Variants in N4BP2 observed in about 807,000 individuals in gnomAD.
N4BP2 encodes NEDD4 binding protein 2.
A neutral mutation model predicts 152.8 loss-of-function variants in N4BP2; 91 were observed. The observed-to-expected ratio is 0.60, with a 90% CI of 0.50 to 0.71. N4BP2 has a LOEUF of 0.71. N4BP2 is among the 30% of genes least tolerant of loss of function. N4BP2 has a pLI of 0.00. For missense variants in N4BP2, 1,923 were observed against 2,059.1 expected (o/e 0.93, Z 1.28); for synonymous variants, 646 against 705.3 (o/e 0.92, Z 1.33).
intron 13 of N4BP2, among the ~76,000 whole-genome samples, chr4:40,133,013 C>G (rs1447565414): frequency 6.6e-6 from 1 of 151,894 alleles, no homozygotes; most frequent in East Asian, 1.9e-4. Flanking sequence ...AACTGGCAGC[C>G]CGCCATTTTT....
chr4:40,094,038 C>A (rs1714882443), intron 2 of N4BP2, among the ~76,000 whole-genome samples: 1 of 152,178 alleles, frequency 6.6e-6, no homozygotes, highest in Admixed American at 6.5e-5. Flanking sequence ...AGCCACCACA[C>A]CTGGCCTACA....
In N4BP2 at chr4:40,144,772, G is replaced by C. The variant is rs746243449; in HGVS notation, c.5115G>C (p.Leu1705Phe). The stretch of plus-strand genomic sequence containing the variant: ...ATGTGGATGAAGCTCTAGAACATTT[G>C]ATGAGAGTTTTAGAGAAGAAGACTG... ...GLHVDEALEH[L>F]MRVLEKKTEE... The change falls in exon 16 of 18, where the codon TTG (leucine) becomes TTC (phenylalanine). Residue 1705 changes from leucine (L) to phenylalanine (F), a missense_variant. Coordinates refer to ENST00000261435, the MANE Select transcript of N4BP2 (RefSeq NM_018177.6). The C allele has an allele frequency of 3.1e-6, 5 of 1,612,344 alleles. No homozygotes were observed. The South Asian group carries it at 5.5e-5, about 18-fold the overall frequency.
rs1715790649 is a variant in N4BP2 at position 40,102,634 on chromosome 4, T to C, written c.789T>C (p.Asn263=). Residue 263 remains asparagine, a synonymous_variant, in exon 4 of 18, where the codon AAT becomes AAC. Coordinates refer to ENST00000261435, the MANE Select transcript of N4BP2 (RefSeq NM_018177.6). The stretch of plus-strand genomic sequence containing the variant: ...CCATCGCAGGTTGTAGCAGTCTCAA[T>C]CAAAAACAGAAAGAACTTTTAGAAT... ...SDSIAGCSSL[N]QKQKELLESE... 2.5e-6 allele frequency: 4 copies of C among 1,614,086 alleles called. No individual in the cohort carries two copies. The highest frequency in any genetic ancestry group is 3.4e-6 in the Non-Finnish European group (4 of 1,180,056).
intron 14 of N4BP2, among the ~76,000 whole-genome samples, chr4:40,141,894 C>G (rs561468563): frequency 6.6e-6 from 1 of 152,160 alleles, no homozygotes; most frequent in South Asian, 2.1e-4. Context: ...GAGACCAGCC[C>G]GGCCAACACA....
intron 2 of N4BP2, among the ~76,000 whole-genome samples, chr4:40,078,143 GTGTGTA>G (rs1475001343): frequency 6.6e-6 from 1 of 151,294 alleles, no homozygotes; most frequent in East Asian, 1.9e-4. Context: ...GTGTGTGTGT[GTGTGTA>G]TGTGTGTATT....
the N4BP2 span, among the ~76,000 whole-genome samples, chr4:40,168,410 TAGG>T: frequency 6.6e-6 from 1 of 152,092 alleles, no homozygotes; most frequent in Non-Finnish European, 1.5e-5. Flanking sequence ...GATTAAAAAT[TAGG>T]AGAGGCAATA....
chr4:40,107,354 A>C (rs145305469), intron 5 of N4BP2, among the ~76,000 whole-genome samples: 257 of 150,852 alleles, frequency 1.7e-3, no homozygotes, highest in African/African-American at 5.9e-3. Context: ...GAGTTTGCAG[A>C]AGTGAGCCAC....
At chr4:40,185,484 G>A in the N4BP2 span, among the ~76,000 whole-genome samples, 2 of 152,130 alleles carry the variant, frequency 1.3e-5, no homozygotes, top group East Asian at 3.9e-4. Context: ...TAAAAGACAA[G>A]AATTAGAGAA....
the N4BP2 span, among the ~76,000 whole-genome samples, chr4:40,183,389 G>A: frequency 6.7e-6 from 1 of 149,284 alleles, no homozygotes; most frequent in South Asian, 2.1e-4. Context: ...AGGCTGGAGT[G>A]CAGTGGCGCG....
intron 3 of N4BP2, among the ~76,000 whole-genome samples, chr4:40,097,849 G>A (rs2109953335): frequency 6.6e-6 from 1 of 152,262 alleles, no homozygotes; most frequent in East Asian, 1.9e-4. Context: ...AGAACAGACT[G>A]GCACTGTTGA....
rs1049810674 is a variant in N4BP2 at position 40,102,128 on chromosome 4, G to A, written c.283G>A (p.Glu95Lys). 1.9e-6 allele frequency: 3 copies of A among 1,612,692 alleles called. No homozygotes were observed. Among genetic ancestry groups the A allele is most frequent in the Non-Finnish European group, 2.5e-6 (3 of 1,179,402 alleles). ...ATTATCTGCCACTGATACCAAGATA[G>A]AAGAATCATCTTCACAAAGTTTCGT... ...LELSATDTKIEESSSQSFVAS... is the reference protein window; with the variant it reads ...LELSATDTKIKESSSQSFVAS... The change falls in exon 4 of 18, where the codon GAA becomes AAA. Residue 95 changes from glutamate (E) to lysine (K), a missense_variant. Coordinates refer to ENST00000261435, the MANE Select transcript of N4BP2 (RefSeq NM_018177.6).
chr4:40,093,837 C>T (rs940333061), intron 2 of N4BP2, among the ~76,000 whole-genome samples: 5 of 151,864 alleles, frequency 3.3e-5, no homozygotes, highest in African/African-American at 4.8e-5. Flanking sequence ...TGACCTCAGG[C>T]GATCCACCCA....
Position 40,119,980 on chromosome 4 carries a change from A to G in N4BP2, c.1869A>G (p.Leu623=), listed in dbSNP as rs1384675478. Reference sequence around the variant, plus strand: ...TCTCTGAAAAAGAAGAAAATATTTTATCTTTATCTTTGAAGCATCTAGAGT... The same window carrying G: ...TCTCTGAAAAAGAAGAAAATATTTTGTCTTTATCTTTGAAGCATCTAGAGT... The part of the protein sequence containing the change: ...DIISEKEENI[L]SLSLKHLEFT... Residue 623 remains leucine, a synonymous_variant, in exon 9 of 18, where the codon TTA becomes TTG. Coordinates refer to ENST00000261435, the MANE Select transcript of N4BP2 (RefSeq NM_018177.6). 2.0e-6 allele frequency: 3 copies of G among 1,522,164 alleles called. No homozygotes were observed. Among genetic ancestry groups the G allele is most frequent in the African/African-American group, 1.4e-5 (1 of 71,512 alleles). 94.3% of individuals were successfully genotyped at this position (1,522,164 alleles called of 1,614,324 possible).
At chr4:40,107,063 T>A in intron 5 of N4BP2, 39 bp downstream of exon 5, 1 of 1,590,488 alleles carries the variant, frequency 6.3e-7, no homozygotes, top group Non-Finnish European at 8.5e-7. Flanking sequence ...ACGTTATGAG[T>A]AATACAAAGA....
intron 2 of N4BP2, among the ~76,000 whole-genome samples, chr4:40,090,522 C>T (rs1022324328): frequency 6.6e-6 from 1 of 152,152 alleles, no homozygotes; most frequent in African/African-American, 2.4e-5. Flanking sequence ...TTCTCGGAAA[C>T]TGTGATTTTA....
chr4:40,124,993 T>G lies in N4BP2; in HGVS notation c.4330+788T>G, dbSNP rs533360183. Among the ~76,000 whole-genome samples the G allele has an allele frequency of 3.4e-4, 52 of 152,362 alleles. No individual in the cohort carries two copies. The South Asian group carries it at 8.9e-3, about 26-fold the overall frequency. ...CCAGATGACTTCTCTTAGATAGTGT[T>G]GTCTTCAGTGACTGTTGCAGGGTGG... On this transcript the variant is annotated intron_variant, in intron 11 of 17. Transcript: ENST00000261435.
chr4:40,188,639 G>A, the N4BP2 span, among the ~76,000 whole-genome samples: 34 of 151,614 alleles, frequency 2.2e-4, no homozygotes, highest in South Asian at 6.9e-3. Context: ...AGCTACTCAG[G>A]AGGCTGAGGT....
chr4:40,120,684 A>G lies in N4BP2; in HGVS notation c.2573A>G (p.Asp858Gly). Reference sequence around the variant, plus strand: ...GATGGCAGAAAGTCACAGTGTGATGATGCTTCAGAGCCACTCAATAGCTAT... The same window carrying G: ...GATGGCAGAAAGTCACAGTGTGATGGTGCTTCAGAGCCACTCAATAGCTAT... ...VEDGRKSQCD[D>G]ASEPLNSYKY... is the part of the protein sequence containing the mutation. The change falls in exon 9 of 18, where the codon GAT (aspartate) becomes GGT (glycine). Residue 858 changes from aspartate to glycine, a missense_variant. Physicochemically the swap from Asp to Gly is moderately conservative, Grantham distance 94. Coordinates refer to ENST00000261435, the MANE Select transcript of N4BP2 (RefSeq NM_018177.6). 1 of 1,614,160 alleles carries G rather than the reference A, an allele frequency of 6.2e-7. No individual in the cohort carries two copies. The highest frequency in any genetic ancestry group is 8.5e-7 in the Non-Finnish European group (1 of 1,180,018).
At chr4:40,101,955 A>T in intron 3 of N4BP2, 120 bp from the exon 4 acceptor site, 1 of 548,494 alleles carries the variant, frequency 1.8e-6, no homozygotes, top group Non-Finnish European at 2.9e-6. Flanking sequence ...TGAATATTGT[A>T]CATTTATATT....
Sources: allele counts gnomAD v4.1 joint callset (sites outside exome capture counted in the v4.1 genomes callset), GRCh38; gene constraint gnomAD v4.1.1; transcripts MANE v1.5; gene names NCBI Gene and HGNC (gene_info 2026-07-23, HGNC 2026-07-21).